The following LONRF3 variants were observed in gnomAD, a reference collection of about 807,000 sequenced individuals.
LONRF3 encodes LON peptidase N-terminal domain and RING finger protein 3.
A neutral mutation model predicts 51.7 loss-of-function variants in LONRF3; 19 were observed. The observed-to-expected ratio is 0.37, with a 90% confidence interval of 0.26 to 0.54. LONRF3 has a LOEUF of 0.54. Among genes scored for constraint, LONRF3 ranks in the 20% least tolerant of loss-of-function variants. LONRF3 has a pLI of 0.86. For synonymous variants in LONRF3, 265 were observed against 257.8 expected (o/e 1.03, Z -0.27); for missense variants, 521 against 623.9 (o/e 0.84, Z 1.76).
At chrX:119,002,036 T>C (rs1436148225) in intron 5 of LONRF3, among the ~76,000 whole-genome samples, 4 of 112,819 alleles carry the variant, frequency 3.5e-5, no homozygotes, top group African/African-American at 9.7e-5. Flanking sequence ...GTTTGGCTGC[T>C]CTGATAATTA....
In LONRF3 at chrX:119,006,154, G is replaced by T; in HGVS notation, c.1449G>T (p.Gly483=). The change falls in exon 6 of 11, where the codon GGG becomes GGT. Residue 483 remains glycine, a synonymous_variant. Coordinates refer to ENST00000371628, the MANE Select transcript of LONRF3 (RefSeq NM_001031855.3). ...ATGAGCCAGTCACAACACCTTGCGG[G>T]CATACTTTTTGCTTAAAATGCCTAG... is the stretch of plus-strand genomic sequence containing the variant. ...LFYEPVTTPC[G]HTFCLKCLER... The T allele has an allele frequency of 8.4e-7, 1 of 1,195,873 alleles. No individual in the cohort carries two copies. Among genetic ancestry groups the T allele is most frequent in the Non-Finnish European group, 1.1e-6 (1 of 883,970 alleles).
At chrX:118,995,058 A>C (rs1458593268) in intron 5 of LONRF3, among the ~76,000 whole-genome samples, 1 of 112,328 alleles carries the variant, frequency 8.9e-6, no homozygotes, top group African/African-American at 3.2e-5. Context: ...CAGTGCATGA[A>C]ACTTTCTCCA....
chrX:118,984,556 TAGAG>T (rs1348849951), intron 3 of LONRF3, among the ~76,000 whole-genome samples: 1 of 112,144 alleles, frequency 8.9e-6, no homozygotes, highest in Admixed American at 9.4e-5. Flanking sequence ...TCTGCTTTTA[TAGAG>T]AAACTGTTGT....
intron 9 of LONRF3, among the ~76,000 whole-genome samples, chrX:119,013,661 C>A (rs1256369806): frequency 8.9e-6 from 1 of 112,135 alleles, no homozygotes; most frequent in African/African-American, 3.2e-5. Context: ...TCCCCTAAGG[C>A]AGAAAGATGA....
At chrX:119,012,590 A>G (rs1006222669) in intron 8 of LONRF3, among the ~76,000 whole-genome samples, 1 of 111,316 alleles carries the variant, frequency 9.0e-6, no homozygotes, top group Non-Finnish European at 1.9e-5. Flanking sequence ...AGGGCATAGC[A>G]GAAGGGCAAC....
At chrX:118,991,136 G>A (rs918076806) in intron 5 of LONRF3, among the ~76,000 whole-genome samples, 1 of 111,730 alleles carries the variant, frequency 9.0e-6, no homozygotes, top group African/African-American at 3.3e-5. Context: ...GGGATTACAG[G>A]CCACTGCACC....
rs756650554 is a variant in LONRF3, at chrX:118,975,441, C to T, written c.661C>T (p.Pro221Ser). 1.7e-6 allele frequency: 2 copies of T among 1,187,593 alleles called. No homozygotes were observed. Among genetic ancestry groups the T allele is most frequent in the South Asian group, 3.7e-5 (2 of 54,466 alleles). Residue 221 changes from proline (P) to serine (S), a missense_variant, in exon 1 of 11, where the codon CCG (proline) becomes TCG (serine). By Grantham distance (74) the Pro-to-Ser change is moderately conservative (BLOSUM62 -1). Around this residue, in one of 2 missense-constraint regions of LONRF3, gnomAD observed 376 missense variants for 376.7 expected, o/e 1.00. Coordinates refer to ENST00000371628, the MANE Select transcript of LONRF3 (RefSeq NM_001031855.3). ...CCGGCGGGCTGGGCAGCAGCCGCCGCCGCCGCTGCGAGTCAACGTGGTGCT... is the reference window on the plus strand; with the variant it reads ...CCGGCGGGCTGGGCAGCAGCCGCCGTCGCCGCTGCGAGTCAACGTGGTGCT... ...GARRAGQQPPPPLRVNVVLSG... is the reference protein window; with the variant it reads ...GARRAGQQPPSPLRVNVVLSG...
At chrX:119,001,986 G>C (rs1418470506) in intron 5 of LONRF3, among the ~76,000 whole-genome samples, 2 of 112,478 alleles carry the variant, frequency 1.8e-5, no homozygotes, top group East Asian at 5.5e-4. Context: ...AAGGCATTCA[G>C]ATTCACAGGA....
chrX:118,975,461 G>A lies in LONRF3; in HGVS notation c.681G>A (p.Val227=). The change falls in exon 1 of 11, where the codon GTG becomes GTA. Residue 227 remains valine (V), a synonymous_variant. Coordinates refer to ENST00000371628, the MANE Select transcript of LONRF3 (RefSeq NM_001031855.3). ...CGCCGCCGCCGCTGCGAGTCAACGTGGTGCTCAGCGGCCTCCTCGGCAAGT... is the reference window on the plus strand; with the variant it reads ...CGCCGCCGCCGCTGCGAGTCAACGTAGTGCTCAGCGGCCTCCTCGGCAAGT... ...QQPPPPLRVN[V]VLSGLLGKLF... 8.4e-7 allele frequency: 1 copy of A among 1,193,084 alleles called. No individual in the cohort carries two copies. The highest frequency in any genetic ancestry group is 3.1e-5 in the East Asian group (1 of 32,589).
In LONRF3 at chrX:118,975,175, C is replaced by A. The variant is rs768753376; in HGVS notation, c.395C>A (p.Ala132Glu). 1 of 1,176,885 alleles carries A rather than the reference C, an allele frequency of 8.5e-7. No homozygotes were observed. Among genetic ancestry groups the A allele is most frequent in the East Asian group, 3.2e-5 (1 of 31,631 alleles). Reference protein sequence around the residue: ...APAPPDEGSTASGTVAAEETG... With the variant: ...APAPPDEGSTESGTVAAEETG... ...GCGCCCCCGGACGAGGGTAGCACTG[C>A]AAGCGGCACCGTGGCGGCGGAAGAG... Residue 132 changes from alanine to glutamate, a missense_variant, in exon 1 of 11, where the codon GCA becomes GAA. Physicochemically the swap from Ala to Glu is moderately radical, Grantham distance 107. This residue lies in a region of LONRF3 where 376 missense variants were observed against 376.7 expected (regional missense o/e 1.00). Coordinates refer to ENST00000371628, the MANE Select transcript of LONRF3 (RefSeq NM_001031855.3).
chrX:118,982,632 C>CT (rs1556411212), intron 2 of LONRF3, among the ~76,000 whole-genome samples, 189 bp from the exon 3 acceptor site: 1 of 111,927 alleles, frequency 8.9e-6, no homozygotes, highest in Non-Finnish European at 1.9e-5. Context: ...GGCAAGTTAA[C>CT]GTTTTTGGGT....
At position 118,989,536 on chromosome X, in the gene LONRF3, AGAG is replaced by A. The variant is rs1379213121; in HGVS notation, c.1195_1197del (p.Glu399del). ...AGCACCACATGAAAGACCAGGAAGA[AGAG>A]GAGGAGAAGTGGGATGCTACCTCTC... is the stretch of plus-strand genomic sequence containing the variant. On this transcript the variant is annotated inframe_deletion, in exon 4 of 11. Coordinates refer to ENST00000371628, the MANE Select transcript of LONRF3 (RefSeq NM_001031855.3). 4 of 1,209,780 alleles carry A rather than the reference AGAG, an allele frequency of 3.3e-6. No homozygotes were observed. The highest frequency in any genetic ancestry group is 1.8e-5 in the African/African-American group (1 of 57,062).
chrX:119,003,018 A>G (rs1924443445), intron 5 of LONRF3, among the ~76,000 whole-genome samples: 1 of 110,314 alleles, frequency 9.1e-6, no homozygotes, highest in Admixed American at 9.7e-5. Flanking sequence ...TCCTCACCCC[A>G]GATGATCCAC....
chrX:118,994,988 A>G (rs1923763623), intron 5 of LONRF3, among the ~76,000 whole-genome samples: 1 of 112,553 alleles, frequency 8.9e-6, no homozygotes, highest in Non-Finnish European at 1.9e-5. Context: ...GAACAAATGG[A>G]CTTAACAGAT....
At chrX:119,000,172 C>CT (rs779640893) in intron 5 of LONRF3, among the ~76,000 whole-genome samples, 8 of 111,549 alleles carry the variant, frequency 7.2e-5, no homozygotes, top group African/African-American at 2.6e-4. Context: ...GGGAGAGTGT[C>CT]TGAGAGTAAA....
At chrX:118,986,636 G>A (rs1212800913) in intron 3 of LONRF3, among the ~76,000 whole-genome samples, 1 of 112,365 alleles carries the variant, frequency 8.9e-6, no homozygotes, top group Non-Finnish European at 1.9e-5. Context: ...AGGCAACAGA[G>A]GCATCTGTAG....
At chrX:119,000,775 T>TTCTCTCTCTC (rs200671696) in intron 5 of LONRF3, among the ~76,000 whole-genome samples, 7 of 55,848 alleles carry the variant, frequency 1.3e-4, no homozygotes, top group Non-Finnish European at 2.0e-4. Context: ...TTCACTCTCA[T>TTCTCTCTCTC]TCTCTCTCTC....
intron 5 of LONRF3, among the ~76,000 whole-genome samples, chrX:118,993,318 C>T (rs1923570921): frequency 9.0e-6 from 1 of 111,319 alleles, no homozygotes; most frequent in African/African-American, 3.3e-5. Context: ...AAATAGGTAG[C>T]TTAAAGAAAA....
In LONRF3 at chrX:119,009,328, C is replaced by T. The variant is rs1423023144; in HGVS notation, c.1652+81C>T. ...AATGTGCACATTACTTCCCAGCTTC[C>T]GACTTAGTGATGTCATGCTAGCTGC... is the stretch of plus-strand genomic sequence containing the variant. On this transcript the variant is annotated intron_variant, in intron 7 of 10. Transcript: ENST00000371628. 3.2e-5 allele frequency: 31 copies of T among 975,623 alleles called. 1 individual carries two copies. In the South Asian group the frequency reaches 5.6e-4, roughly 18 times the overall value. The allele number at this position is 975,623 out of a possible 1,213,427, so 80.4% of individuals were successfully genotyped here.
Sources: gnomAD v4.1 joint callset for allele counts (sites outside exome capture counted in the v4.1 genomes callset) on GRCh38, gnomAD v4.1.1 for gene constraint, gnomAD v4.1.1 regional missense constraint, MANE v1.5 for transcripts, NCBI Gene and HGNC (gene_info 2026-07-23, HGNC 2026-07-21) for gene names.